Variants in PADI1 observed in about 807,000 individuals in gnomAD.
The protein encoded by PADI1 is peptidyl arginine deiminase 1, also known as protein-arginine deiminase type-1.
In PADI1, 65 loss-of-function variants were observed where a neutral mutation model predicts 74.8. The observed-to-expected ratio is 0.87, with a 90% CI of 0.71 to 1.07. The LOEUF is 1.07. PADI1 is among the 50% of genes least tolerant of loss of function. The probability of loss-of-function intolerance (pLI) is 0.00; values close to 1 mark genes in which losing one functional copy is unlikely to be tolerated. For missense variants in PADI1, 943 were observed against 854.0 expected (o/e 1.10, Z -1.30); for synonymous variants, 371 against 336.2 (o/e 1.10, Z -1.13).
chr1:17,228,528 G>A, intron 6 of PADI1, 97 bp from the exon 7 acceptor site: 2 of 1,320,964 alleles, frequency 1.5e-6, no homozygotes, highest in East Asian at 4.6e-5. Context: ...AGGAACCCAA[G>A]CTGCTCTAAC....
chr1:17,230,307 G>A, intron 9 of PADI1, 99 bp downstream of exon 9: 1 of 1,451,478 alleles, frequency 6.9e-7, no homozygotes, highest in African/African-American at 1.4e-5. Context: ...AGAAGCCACG[G>A]CAGCCTGGGC....
chr1:17,220,281 A>ATTAG (rs2100437004), intron 1 of PADI1, among the ~76,000 whole-genome samples: 1 of 152,272 alleles, frequency 6.6e-6, no homozygotes, highest in Non-Finnish European at 1.5e-5. Context: ...GATTGTTGGA[A>ATTAG]TTAGGACTGT....
intron 14 of PADI1, 30 bp from the exon 15 acceptor site, chr1:17,240,595 TCTTCCTAGTC>T (rs57943723): frequency 0.055 from 89,027 of 1,606,896 alleles, 2,680 homozygotes; most frequent in African/African-American, 0.081. Flanking sequence ...AGTGTTATGC[TCTTCCTAGTC>T]CTGGGCTGCC....
intron 1 of PADI1, among the ~76,000 whole-genome samples, chr1:17,218,412 G>C (rs3003478): frequency 0.1 from 15,749 of 152,154 alleles, 866 homozygotes; most frequent in African/African-American, 0.14. Context: ...CCTGGAGTTA[G>C]GGGGTAAGGG....
chr1:17,226,650 G>T (rs1050803034), intron 6 of PADI1, among the ~76,000 whole-genome samples: 2 of 152,146 alleles, frequency 1.3e-5, no homozygotes, highest in East Asian at 1.9e-4. Context: ...AAGGCTGGGC[G>T]CAATGACTCA....
chr1:17,215,466 T>G (rs2071952310), intron 1 of PADI1, among the ~76,000 whole-genome samples: 1 of 152,064 alleles, frequency 6.6e-6, no homozygotes, highest in South Asian at 2.1e-4. Flanking sequence ...AGATGTCAAC[T>G]TTTGCCCAAA....
intron 10 of PADI1, among the ~76,000 whole-genome samples, chr1:17,231,053 A>G (rs1014496683): frequency 2.0e-5 from 3 of 152,152 alleles, no homozygotes; most frequent in African/African-American, 7.2e-5. Context: ...CTTGTTCTTA[A>G]GAGCTAGGGC....
chr1:17,220,888 C>T (rs1366529384), intron 1 of PADI1, among the ~76,000 whole-genome samples: 1 of 152,190 alleles, frequency 6.6e-6, no homozygotes, highest in Non-Finnish European at 1.5e-5. Context: ...GCTCTGCGTG[C>T]CCTGTAGCCT....
At chr1:17,221,613 G>A (rs1258242590) in intron 1 of PADI1, among the ~76,000 whole-genome samples, 1 of 152,126 alleles carries the variant, frequency 6.6e-6, no homozygotes, top group African/African-American at 2.4e-5. Context: ...GCAGAGCCTT[G>A]AAGAGGGTGA....
At position 17,230,562 on chromosome 1, in the gene PADI1, C is replaced by T. The variant is rs758388710; in HGVS notation, c.1054-10C>T. 11 of 1,582,168 alleles carry T rather than the reference C, an allele frequency of 7.0e-6. No individual in the cohort carries two copies. Among genetic ancestry groups the T allele is most frequent in the South Asian group, 2.3e-5 (2 of 88,798 alleles). On this transcript the variant is annotated splice_polypyrimidine_tract_variant and intron_variant, in intron 9 of 15. Coordinates refer to ENST00000375471, the MANE Select transcript of PADI1 (RefSeq NM_013358.3). Reference sequence around the variant, plus strand: ...AGGTCACTGTGGCTTTTTCATCTCTCCCCTCCCAGGACGAGATGGAGTTTG... The same window carrying T: ...AGGTCACTGTGGCTTTTTCATCTCTTCCCTCCCAGGACGAGATGGAGTTTG...
chr1:17,230,362 A>C (rs1245596907), intron 9 of PADI1, among the ~76,000 whole-genome samples, 154 bp downstream of exon 9: 1 of 152,148 alleles, frequency 6.6e-6, no homozygotes, highest in African/African-American at 2.4e-5. Context: ...CATCAGCCCC[A>C]GCCTCCACTG....
At chr1:17,205,781 A>G (rs1414306703) in intron 1 of PADI1, among the ~76,000 whole-genome samples, 7 of 152,154 alleles carry the variant, frequency 4.6e-5, no homozygotes, top group Non-Finnish European at 8.8e-5. Context: ...ATTGATTCCA[A>G]TCAGGAGGGA....
chr1:17,215,247 G>A (rs1386141613), intron 1 of PADI1, among the ~76,000 whole-genome samples: 1 of 152,178 alleles, frequency 6.6e-6, no homozygotes, highest in Non-Finnish European at 1.5e-5. Flanking sequence ...AGAGAGAGGT[G>A]AACAGAGGTG....
In PADI1 at chr1:17,243,015, G is replaced by T. The variant is rs141823472; in HGVS notation, c.1759-995G>T. Among the ~76,000 whole-genome samples the T allele has an allele frequency of 4.9e-3, 747 of 152,282 alleles. 8 individuals carry two copies. Among genetic ancestry groups the T allele is most frequent in the African/African-American group, 0.017 (713 of 41,552 alleles). Reference sequence around the variant, plus strand: ...ATGTTGGTCCCTGCCATGGATGAGGGTGGGGCAGACTTGAGGGTGGGGGGC... The same window carrying T: ...ATGTTGGTCCCTGCCATGGATGAGGTTGGGGCAGACTTGAGGGTGGGGGGC... On this transcript the variant is annotated intron_variant, in intron 15 of 15. Coordinates refer to ENST00000375471, the MANE Select transcript of PADI1 (RefSeq NM_013358.3).
intron 1 of PADI1, among the ~76,000 whole-genome samples, chr1:17,212,383 C>A (rs1341307128): frequency 1.3e-5 from 2 of 151,704 alleles, no homozygotes; most frequent in African/African-American, 2.4e-5. Flanking sequence ...CCTGCCCCCA[C>A]CACTCATCCA....
rs893657962 is a variant in PADI1 at position 17,239,987 on chromosome 1, C to A, written c.1632+204C>A. The A allele has an allele frequency of 1.2e-5, 7 of 562,264 alleles. No individual in the cohort carries two copies. In the African/African-American group the frequency reaches 1.3e-4, roughly 11 times the overall value. 34.8% of individuals were successfully genotyped at this position (562,264 alleles called of 1,614,324 possible). ...ACAGAGCCATGCCCTCAGAGAGCTC[C>A]CAGCCTAATGAGGGAGACCCGGCCC... is the stretch of plus-strand genomic sequence containing the variant. On this transcript the variant is annotated intron_variant, in intron 14 of 15. Transcript: ENST00000375471.
At chr1:17,226,214 TC>T in intron 6 of PADI1, 56 bp downstream of exon 6, 2 of 1,569,310 alleles carry the variant, frequency 1.3e-6, no homozygotes, top group South Asian at 1.1e-5. Context: ...TATCCTCTCC[TC>T]CCCCATCTCT....
At chr1:17,227,212 G>A (rs1038052111) in intron 6 of PADI1, among the ~76,000 whole-genome samples, 1 of 149,534 alleles carries the variant, frequency 6.7e-6, no homozygotes, top group African/African-American at 2.5e-5. Flanking sequence ...CTCCAGCCTG[G>A]GTGACAGTGC....
At chr1:17,235,261 GGGAAGGAA>G (rs377234912) in intron 11 of PADI1, among the ~76,000 whole-genome samples, 1 of 73,000 alleles carries the variant, frequency 1.4e-5, no homozygotes, top group South Asian at 6.7e-4. Flanking sequence ...GAGGGAGGAA[GGGAAGGAA>G]GGAAGGAAGG....
Sources: allele counts gnomAD v4.1 joint callset (sites outside exome capture counted in the v4.1 genomes callset), GRCh38; gene constraint gnomAD v4.1.1; transcripts MANE v1.5; gene names NCBI Gene and HGNC (gene_info 2026-07-23, HGNC 2026-07-21).